BTD: variants seen among roughly 807,000 people sequenced by gnomAD.
BTD encodes the protein biocytinase.
A neutral mutation model predicts 17.7 loss-of-function variants in BTD; 13 were observed. The observed-to-expected ratio is 0.74, with a 90% CI of 0.48 to 1.17. The LOEUF is 1.17. Among genes scored for constraint, BTD ranks in the 50% most tolerant of loss-of-function variants. The pLI, the probability that BTD is intolerant of heterozygous loss-of-function variation, is 0.00. For synonymous variants in BTD, 240 were observed against 245.2 expected (o/e 0.98, Z 0.20); for missense variants, 674 against 650.4 (o/e 1.04, Z -0.39).
intron 3 of BTD, among the ~76,000 whole-genome samples, chr3:15,643,130 A>G (rs1012293284): frequency 2.6e-5 from 4 of 152,136 alleles, no homozygotes; most frequent in Admixed American, 2.6e-4. Flanking sequence ...CGCTTAAAAA[A>G]CTTTGATTTC....
rs1005799981 is a variant in BTD at position 15,681,258 on chromosome 3, CA to C, written c.400-28793del. 2.5e-4 allele frequency among the ~76,000 whole-genome samples: 37 copies of C among 150,488 alleles called. 5 individuals carry two copies. Among genetic ancestry groups the C allele is most frequent in the Admixed American group, 9.9e-4 (15 of 15,122 alleles). On this transcript the variant is annotated intron_variant, in intron 3 of 3. Coordinates refer to the BTD transcript ENST00000672141. ...TGTTGTATTGTTTAGGGAATAATGA[CA>C]AAAAAAAAGTCTGTACATGTTCAGC...
chr3:15,705,885 G>T (rs561008037), intron 3 of BTD, among the ~76,000 whole-genome samples: 1 of 152,110 alleles, frequency 6.6e-6, no homozygotes, highest in African/African-American at 2.4e-5. Context: ...TGTAGTCCCA[G>T]CTACTCAGGA....
rs2065840397 is a variant in BTD at position 15,653,695 on chromosome 3, A to G, written c.*8207A>G. 6.6e-6 allele frequency among the ~76,000 whole-genome samples: 1 copy of G among 152,258 alleles called. No homozygotes were observed. The highest frequency in any genetic ancestry group is 1.5e-5 in the Non-Finnish European group (1 of 68,052). ...TAAAGTGATTCTTTGATAATTAAAG[A>G]AAGATGTAATTATGTATAATGTGAT... On this transcript the variant is annotated 3_prime_UTR_variant, in exon 4 of 4. Transcript: ENST00000643237.
intron 1 of BTD, chr3:15,602,252 C>T (rs1359419974): frequency 7.8e-7 from 1 of 1,276,792 alleles, no homozygotes; most frequent in African/African-American, 1.5e-5. Flanking sequence ...ATCCTGAATC[C>T]TGTTTCCTAC....
Position 15,651,795 on chromosome 3 carries a change from T to C in BTD, c.*6307T>C, listed in dbSNP as rs530188698. On this transcript the variant is annotated 3_prime_UTR_variant, in exon 4 of 4. Coordinates refer to ENST00000643237, the MANE Select transcript of BTD (RefSeq NM_001370658.1). Reference sequence around the variant, plus strand: ...AAGATAAATGCAGCCCTGGCATGGTTCTTCCAGAACATTCTGCAAGCTCAT... The same window carrying C: ...AAGATAAATGCAGCCCTGGCATGGTCCTTCCAGAACATTCTGCAAGCTCAT... 2.6e-5 allele frequency among the ~76,000 whole-genome samples: 4 copies of C among 152,202 alleles called. No homozygotes were observed. The highest frequency in any genetic ancestry group is 4.8e-5 in the African/African-American group (2 of 41,450).
At chr3:15,709,691 A>G (rs1389495143) in intron 3 of BTD, 1 of 1,584,224 alleles carries the variant, frequency 6.3e-7, no homozygotes, top group Non-Finnish European at 8.6e-7. Flanking sequence ...CCTTTTTATT[A>G]AAGTCTGCAC....
intron 3 of BTD, chr3:15,683,623 A>G (rs2067777244): frequency 6.6e-6 from 1 of 152,224 alleles, no homozygotes; most frequent in Admixed American, 6.5e-5. Context: ...GCTGAAGGAT[A>G]ACCAACAGTA....
In BTD at chr3:15,663,656, C is replaced by T. The variant is rs186134431; in HGVS notation, c.399+21599C>T. 3.9e-5 allele frequency among the ~76,000 whole-genome samples: 6 copies of T among 152,230 alleles called. No individual in the cohort carries two copies. The East Asian group carries it at 1.2e-3, about 29-fold the overall frequency. ...CCTTTAAACATCTATGGGCTCTGCT[C>T]TGTATTGAAGTCTCTTCTCATTTCT... On this transcript the variant is annotated intron_variant, in intron 3 of 3. Coordinates refer to the BTD transcript ENST00000672141.
intron 3 of BTD, among the ~76,000 whole-genome samples, chr3:15,704,601 T>C (rs1271088446): frequency 6.6e-6 from 1 of 152,198 alleles, no homozygotes; most frequent in Non-Finnish European, 1.5e-5. Context: ...AAATATTTCA[T>C]TGTTGCTTTG....
chr3:15,670,391 G>A, intron 3 of BTD: 2 of 1,613,944 alleles, frequency 1.2e-6, no homozygotes, highest in Non-Finnish European at 1.7e-6. Flanking sequence ...GATGGGCAAA[G>A]CTTCAAAGCT....
intron 2 of BTD, among the ~76,000 whole-genome samples, chr3:15,638,599 T>A (rs2065421012): frequency 6.6e-6 from 1 of 152,232 alleles, no homozygotes; most frequent in Non-Finnish European, 1.5e-5. Flanking sequence ...TGTGTGAAAG[T>A]TTTATATCAA....
intron 3 of BTD, chr3:15,669,346 GC>G (rs1160150032): frequency 6.6e-6 from 1 of 152,178 alleles, no homozygotes; most frequent in African/African-American, 2.4e-5. Flanking sequence ...AAGACTCCAT[GC>G]CCCAGGACCA....
intron 1 of BTD, chr3:15,606,952 T>TG (rs1289813764): frequency 2.2e-5 from 1 of 45,412 alleles, no homozygotes; most frequent in Non-Finnish European, 5.1e-5. Context: ...TTGTTTTTGG[T>TG]TTTTTTTTTT....
chr3:15,605,177 A>G (rs879764991), intron 1 of BTD, among the ~76,000 whole-genome samples: 6 of 152,234 alleles, frequency 3.9e-5, no homozygotes, highest in Non-Finnish European at 5.9e-5. Flanking sequence ...GTAATTTATA[A>G]AGAAAAAGAG....
intron 1 of BTD, among the ~76,000 whole-genome samples, chr3:15,609,642 G>A (rs983425533): frequency 6.6e-6 from 1 of 152,130 alleles, no homozygotes; most frequent in Non-Finnish European, 1.5e-5. Context: ...CCATTTCTCT[G>A]ACTACAAATG....
At chr3:15,715,117 C>G (rs1036869931), downstream of BTD, among the ~76,000 whole-genome samples, 1 of 152,144 alleles carries the variant, frequency 6.6e-6, no homozygotes, top group Non-Finnish European at 1.5e-5. Context: ...TCTCAAATCA[C>G]TTAAAATAAT....
chr3:15,691,391 G>A (rs1378751981), intron 3 of BTD, among the ~76,000 whole-genome samples: 7 of 152,088 alleles, frequency 4.6e-5, no homozygotes, highest in Non-Finnish European at 7.4e-5. Context: ...CCAAAGTGCT[G>A]GGATTACAGG....
At chr3:15,623,766 T>C (rs2065006528) in intron 1 of BTD, among the ~76,000 whole-genome samples, 1 of 152,214 alleles carries the variant, frequency 6.6e-6, no homozygotes, top group Non-Finnish European at 1.5e-5. Flanking sequence ...TAAAAGCGTG[T>C]AGCACTTCCC....
rs911691407 is a variant in BTD at position 15,650,046 on chromosome 3, C to T, written c.*4558C>T. ...GATTTGCATCTTTATCGTGACTCCA[C>T]GGAGACCCACCCTCTAAGACCAGAG... On this transcript the variant is annotated 3_prime_UTR_variant, in exon 4 of 4. Coordinates refer to ENST00000643237, the MANE Select transcript of BTD (RefSeq NM_001370658.1). Among the ~76,000 whole-genome samples, 4 of 152,244 alleles carry T rather than the reference C, an allele frequency of 2.6e-5. No individual in the cohort carries two copies. The highest frequency in any genetic ancestry group is 3.8e-4 in the East Asian group (2 of 5,206).
Sources: gnomAD v4.1 joint callset for allele counts (sites outside exome capture counted in the v4.1 genomes callset) on GRCh38, gnomAD v4.1.1 for gene constraint, MANE v1.5 for transcripts, NCBI Gene and HGNC (gene_info 2026-07-23, HGNC 2026-07-21) for gene names.